The following ZHX2 variants were observed in gnomAD, a reference collection of about 807,000 sequenced individuals.
ZHX2 encodes zinc fingers and homeoboxes protein 2.
A neutral mutation model predicts 21.9 loss-of-function variants in ZHX2; 6 were observed. The observed-to-expected ratio is 0.27, with a 90% CI of 0.15 to 0.54. The LOEUF (loss-of-function observed/expected upper bound fraction) is 0.54. ZHX2 is among the 20% of genes least tolerant of loss of function. The probability of loss-of-function intolerance (pLI) is 0.95; values close to 1 mark genes in which losing one functional copy is unlikely to be tolerated. For missense variants in ZHX2, 908 were observed against 1,090.7 expected, an observed-to-expected ratio of 0.83 and a Z score of 2.36; for synonymous variants, 434 against 437.1, an observed-to-expected ratio of 0.99 and a Z score of 0.09.
chr8:122,905,573 G>A (rs1820327786), intron 2 of ZHX2, among the ~76,000 whole-genome samples: 1 of 152,190 alleles, frequency 6.6e-6, no homozygotes, highest in South Asian at 2.1e-4. Flanking sequence ...AGAACATCAG[G>A]AAGGAAAGAA....
In ZHX2 at chr8:122,781,730, T is replaced by A. The variant is rs1374882018; in HGVS notation, c.-499T>A. 2.2e-4 allele frequency: 33 copies of A among 152,544 alleles called. No individual in the cohort carries two copies. The highest frequency in any genetic ancestry group is 1.6e-3 in the Admixed American group (24 of 15,302). 9.4% of individuals were successfully genotyped at this position (152,544 alleles called of 1,614,324 possible). On this transcript the variant is annotated 5_prime_UTR_variant, in exon 1 of 4. Transcript: ENST00000314393. The surrounding 1 kb of genome is among the most constrained non-coding windows in gnomAD (Gnocchi z 4.6). ...TTTTTTTTCCTTTTTTTTTTTCTTTTAAAAATTTTGGCCATCGTTCTCCGT... is the reference window on the plus strand; with the variant it reads ...TTTTTTTTCCTTTTTTTTTTTCTTTAAAAAATTTTGGCCATCGTTCTCCGT...
chr8:122,804,741 G>A (rs554076307), intron 1 of ZHX2, among the ~76,000 whole-genome samples: 22 of 152,258 alleles, frequency 1.4e-4, no homozygotes, highest in African/African-American at 4.8e-4. Context: ...CCCAGCTGAG[G>A]CAACTGAGGT....
chr8:122,900,252 C>G (rs1040644888), intron 2 of ZHX2, among the ~76,000 whole-genome samples: 1 of 146,066 alleles, frequency 6.8e-6, no homozygotes, highest in Non-Finnish European at 1.5e-5. Context: ...GCATCTGCTT[C>G]TGGTGTGGAC....
chr8:122,879,440 C>T lies in ZHX2; in HGVS notation c.-220+15901C>T, dbSNP rs372834642. Among the ~76,000 whole-genome samples, 66 of 151,444 alleles carry T rather than the reference C, an allele frequency of 4.4e-4. 2 individuals carry two copies. The highest frequency in any genetic ancestry group is 1.9e-4 in the African/African-American group (8 of 41,262). On this transcript the variant is annotated intron_variant, in intron 2 of 3. Transcript: ENST00000314393. ...CAGGATGGTCTCAATCTCTTGACCT[C>T]GTGATCCACCCACCTTGGCCTCCCA...
chr8:122,782,145 C>A lies in ZHX2; in HGVS notation c.-283+199C>A, dbSNP rs1025580366. Among the ~76,000 whole-genome samples the A allele has an allele frequency of 6.7e-6, 1 of 150,226 alleles. No individual in the cohort carries two copies. The highest frequency in any genetic ancestry group is 6.6e-5 in the Admixed American group (1 of 15,124). Reference sequence around the variant, plus strand: ...ACGGAAGGGGGGGGGTGTGCAGGCTCTTTTTGCGGGTGGGAGGAAATGAGC... The same window carrying A: ...ACGGAAGGGGGGGGGTGTGCAGGCTATTTTTGCGGGTGGGAGGAAATGAGC... On this transcript the variant is annotated intron_variant, in intron 1 of 3. Transcript: ENST00000314393. The surrounding 1 kb of genome is among the most constrained non-coding windows in gnomAD (Gnocchi z 5.3).
In ZHX2 at chr8:122,951,509, G is replaced by C. The variant is rs764707831; in HGVS notation, c.-2G>C. 1 of 1,608,326 alleles carries C rather than the reference G, an allele frequency of 6.2e-7. No homozygotes were observed. On this transcript the variant is annotated 5_prime_UTR_variant, in exon 3 of 4. Coordinates refer to ENST00000314393, the MANE Select transcript of ZHX2 (RefSeq NM_014943.5). ...ATAAGCCATTGCACACAGACAGGCA[G>C]CATGGCTAGCAAACGAAAATCTACA...
intron 1 of ZHX2, among the ~76,000 whole-genome samples, chr8:122,845,887 AT>A (rs1266637419): frequency 6.6e-6 from 1 of 152,226 alleles, no homozygotes; most frequent in Non-Finnish European, 1.5e-5. Context: ...TGGTAGAGCA[AT>A]TTGGATTTTG....
intron 2 of ZHX2, among the ~76,000 whole-genome samples, chr8:122,904,051 G>C (rs1394964983): frequency 6.6e-6 from 1 of 152,130 alleles, no homozygotes; most frequent in Non-Finnish European, 1.5e-5. Flanking sequence ...GTGGTGGTGA[G>C]TTCTCTGGGT....
chr8:122,873,451 G>T (rs1819493355), intron 2 of ZHX2, among the ~76,000 whole-genome samples: 1 of 152,154 alleles, frequency 6.6e-6, no homozygotes, highest in Admixed American at 6.5e-5. Flanking sequence ...CCCTGAGCTG[G>T]TGCCTGTCCG....
intron 2 of ZHX2, among the ~76,000 whole-genome samples, chr8:122,929,173 G>A (rs142432167): frequency 7.4e-4 from 112 of 152,216 alleles, no homozygotes; most frequent in African/African-American, 2.5e-3. Flanking sequence ...AACACCACCC[G>A]TGTAACACCA....
chr8:122,911,288 G>T (rs1170805850), intron 2 of ZHX2, among the ~76,000 whole-genome samples: 2 of 151,448 alleles, frequency 1.3e-5, no homozygotes, highest in African/African-American at 4.9e-5. Context: ...TGAGGGTGGG[G>T]GTGGGAGTGA....
At chr8:122,945,788 C>A (rs753446036) in intron 2 of ZHX2, among the ~76,000 whole-genome samples, 1 of 152,218 alleles carries the variant, frequency 6.6e-6, no homozygotes, top group Admixed American at 6.5e-5. Flanking sequence ...GTTCAGGCAA[C>A]CTCCTGAGGG....
chr8:122,849,951 G>A lies in ZHX2; in HGVS notation c.-282-13526G>A, dbSNP rs371454093. On this transcript the variant is annotated intron_variant, in intron 1 of 3. Coordinates refer to ENST00000314393, the MANE Select transcript of ZHX2 (RefSeq NM_014943.5). ...TGAGCCACAATTTTATAATTACTAC[G>A]ATCATCATCACCATCATCATAGCCA... is the stretch of plus-strand genomic sequence containing the variant. 3.0e-4 allele frequency among the ~76,000 whole-genome samples: 46 copies of A among 151,966 alleles called. No individual in the cohort carries two copies. The East Asian group carries it at 3.5e-3, about 12-fold the overall frequency.
rs191181758 is a variant in ZHX2 at position 122,836,322 on chromosome 8, G to A, written c.-282-27155G>A. Among the ~76,000 whole-genome samples the A allele has an allele frequency of 1.4e-3, 210 of 152,318 alleles. 2 individuals are homozygous for A. The highest frequency in any genetic ancestry group is 2.2e-4 in the Non-Finnish European group (15 of 68,024). ...TTACCAGTAGGCGAGATCAGTGACC[G>A]ATGTGCATGCACAGAGAGGCAACTG... On this transcript the variant is annotated intron_variant, in intron 1 of 3. Coordinates refer to ENST00000314393, the MANE Select transcript of ZHX2 (RefSeq NM_014943.5).
chr8:122,866,301 A>G (rs1213340735), intron 2 of ZHX2, among the ~76,000 whole-genome samples: 1 of 152,168 alleles, frequency 6.6e-6, no homozygotes, highest in Admixed American at 6.5e-5. Flanking sequence ...TCCCATAGTG[A>G]TGATTCACTT....
intron 1 of ZHX2, among the ~76,000 whole-genome samples, chr8:122,840,210 A>C (rs186322366): frequency 1.3e-5 from 2 of 152,354 alleles, no homozygotes; most frequent in Admixed American, 1.3e-4. Flanking sequence ...TTCCAGACTG[A>C]GTCTTCTGTT....
intron 1 of ZHX2, among the ~76,000 whole-genome samples, chr8:122,854,163 G>A (rs1344859389): frequency 6.6e-6 from 1 of 152,172 alleles, no homozygotes; most frequent in Non-Finnish European, 1.5e-5. Flanking sequence ...GTGTCTCCTG[G>A]ACTTCCAATG....
chr8:122,801,747 A>G (rs940553763), intron 1 of ZHX2, among the ~76,000 whole-genome samples: 11 of 152,198 alleles, frequency 7.2e-5, no homozygotes, highest in African/African-American at 2.7e-4. Flanking sequence ...GTGAGACCTC[A>G]TCTCCAAAAC....
Position 122,953,950 on chromosome 8 carries a change from G to T in ZHX2, c.2440G>T (p.Ala814Ser). 1 of 1,614,150 alleles carries T rather than the reference G, an allele frequency of 6.2e-7. No homozygotes were observed. Among genetic ancestry groups the T allele is most frequent in the Non-Finnish European group, 8.5e-7 (1 of 1,180,022 alleles). The part of the protein sequence containing the change: ...ISDRSDSWSQ[A>S]AAEGVSELAE... The stretch of plus-strand genomic sequence containing the variant: ...AGATAGATCAGATAGCTGGAGTCAG[G>T]CTGCGGCAGAAGGTGTGTCGGAACT... The change falls in exon 3 of 4, where the codon GCT becomes TCT. Residue 814 changes from alanine (A) to serine (S), a missense_variant. Ala to Ser is a moderately conservative substitution (Grantham distance 99). Around this residue, in one of 4 missense-constraint regions of ZHX2, gnomAD observed 431 missense variants for 428.6 expected, o/e 1.01. Coordinates refer to ENST00000314393, the MANE Select transcript of ZHX2 (RefSeq NM_014943.5). The surrounding 1 kb of genome is among the most constrained non-coding windows in gnomAD (Gnocchi z 4.6).
Sources: allele counts gnomAD v4.1 joint callset (sites outside exome capture counted in the v4.1 genomes callset), GRCh38; gene constraint gnomAD v4.1.1; regional missense constraint gnomAD v4.1.1; non-coding constraint Gnocchi (gnomAD v3.1); transcripts MANE v1.5; gene names NCBI Gene and HGNC (gene_info 2026-07-23, HGNC 2026-07-21).